The following VGLL4 variants were observed in gnomAD, a reference collection of about 807,000 sequenced individuals.
VGLL4 encodes the protein transcription cofactor vestigial-like protein 4.
In VGLL4, 7 loss-of-function variants were observed where a neutral mutation model predicts 21.0. The ratio of observed to expected loss-of-function variants is 0.33; its 90% CI spans 0.19 to 0.63. The LOEUF is 0.63. Ranked by LOEUF, VGLL4 falls within the 20% of genes least tolerant of loss-of-function variation. The pLI, the probability that VGLL4 is intolerant of heterozygous loss-of-function variation, is 0.78. For missense variants in VGLL4, 394 were observed against 425.7 expected, an observed-to-expected ratio of 0.93 and a Z score of 0.66; for synonymous variants, 222 against 173.2, an observed-to-expected ratio of 1.28 and a Z score of -2.21.
At chr3:11,638,713 G>A (rs928499305) in intron 1 of VGLL4, among the ~76,000 whole-genome samples, 10 of 152,138 alleles carry the variant, frequency 6.6e-5, no homozygotes, top group South Asian at 2.1e-4. Context: ...GAGAGGGTAC[G>A]AAATGGCCCT....
chr3:11,659,879 T>A (rs1014569075), intron 2 of VGLL4, among the ~76,000 whole-genome samples: 9 of 152,000 alleles, frequency 5.9e-5, no homozygotes, highest in African/African-American at 2.2e-4. Flanking sequence ...ATTTCCCATC[T>A]TGGCCGGGCG....
In VGLL4 at chr3:11,573,235, AAAAGAAATAGAGAAAG is replaced by A. The variant is rs1238561577; in HGVS notation, c.273-8232_273-8217del. On this transcript the variant is annotated intron_variant, in intron 2 of 4. Transcript: ENST00000430365. Reference sequence around the variant, plus strand: ...GAGAGAGAGAAAGACAGACAGAAAGAAAAGAAATAGAGAAAGAAAGAAAGAAAGAAAGAAAGAAAGA... The same window carrying A: ...GAGAGAGAGAAAGACAGACAGAAAGAAAAGAAAGAAAGAAAGAAAGAAAGA... 8.4e-4 allele frequency among the ~76,000 whole-genome samples: 100 copies of A among 119,240 alleles called. 7 individuals are homozygous for A. The highest frequency in any genetic ancestry group is 6.3e-3 in the Admixed American group (69 of 10,920). The allele number at this position is 119,240 out of a possible 152,430, so 78.2% of individuals were successfully genotyped here. A position where few individuals can be genotyped will look rare whatever the true frequency, so the allele number is the denominator to read the frequency against.
intron 3 of VGLL4, among the ~76,000 whole-genome samples, chr3:11,560,098 C>T (rs527526205): frequency 6.6e-6 from 1 of 152,218 alleles, no homozygotes; most frequent in East Asian, 1.9e-4. Context: ...TCCCCTTGTT[C>T]CTTCAAGCCC....
At position 11,677,293 on chromosome 3, in the gene VGLL4, A is replaced by T. The variant is rs144681952; in HGVS notation, c.64+25678T>A. On this transcript the variant is annotated intron_variant, in intron 2 of 5. Transcript: ENST00000273038. ...CAGACTGCAATTTTTTTTTTTTTTG[A>T]CAGGGTCTCACGCTGTCGTCCAGGC... is the stretch of plus-strand genomic sequence containing the variant. 2.5e-4 allele frequency among the ~76,000 whole-genome samples: 37 copies of T among 149,440 alleles called. No homozygotes were observed. In the East Asian group the frequency reaches 6.8e-3, roughly 27 times the overall value.
exon 1 of VGLL4, chr3:11,720,665 G>C (rs2076985724): frequency 6.6e-6 from 1 of 152,282 alleles, no homozygotes; most frequent in Non-Finnish European, 1.5e-5. Context: ...AGTGGAAAGA[G>C]TCCCCTTCAG....
At chr3:11,628,037 A>G (rs926830567) in intron 1 of VGLL4, among the ~76,000 whole-genome samples, 1 of 152,204 alleles carries the variant, frequency 6.6e-6, no homozygotes, top group African/African-American at 2.4e-5. Context: ...ATAAATGATA[A>G]GGTAATGAAT....
chr3:11,634,358 C>A (rs943843297), intron 1 of VGLL4, among the ~76,000 whole-genome samples: 6 of 152,152 alleles, frequency 3.9e-5, no homozygotes, highest in Admixed American at 3.3e-4. Context: ...CATCACCAAT[C>A]CCTGCCAGGC....
At chr3:11,566,223 C>A (rs543770838) in intron 2 of VGLL4, among the ~76,000 whole-genome samples, 5 of 151,968 alleles carry the variant, frequency 3.3e-5, no homozygotes, top group East Asian at 1.9e-4. Flanking sequence ...GTTACACACA[C>A]GCACACCACA....
intron 2 of VGLL4, among the ~76,000 whole-genome samples, chr3:11,698,594 A>G (rs2076636511): frequency 1.3e-5 from 2 of 152,200 alleles, no homozygotes; most frequent in African/African-American, 4.8e-5. Context: ...AAGCACAAGG[A>G]AGAACAGCAA....
At chr3:11,665,151 T>C (rs1188072348) in intron 2 of VGLL4, among the ~76,000 whole-genome samples, 2 of 125,322 alleles carry the variant, frequency 1.6e-5, no homozygotes, top group East Asian at 4.9e-4. Context: ...TCTCGCTCTG[T>C]CACCCAGGCT....
In VGLL4 at chr3:11,573,719, C is replaced by G. The variant is rs554759992; in HGVS notation, c.273-8700G>C. 1.0e-3 allele frequency among the ~76,000 whole-genome samples: 156 copies of G among 152,358 alleles called. 1 individual carries two copies. The highest frequency in any genetic ancestry group is 1.9e-3 in the Non-Finnish European group (130 of 68,032). On this transcript the variant is annotated intron_variant, in intron 2 of 4. Coordinates refer to ENST00000430365, the MANE Select transcript of VGLL4 (RefSeq NM_001128219.3). Reference sequence around the variant, plus strand: ...GCGCAGTTGAGCATCTTTTCATACACTTACTGACCATTCTACTTTATGCTG... The same window carrying G: ...GCGCAGTTGAGCATCTTTTCATACAGTTACTGACCATTCTACTTTATGCTG...
At chr3:11,563,992 G>A (rs114551896) in intron 3 of VGLL4, among the ~76,000 whole-genome samples, 2,072 of 152,282 alleles carry the variant, frequency 0.014, 53 homozygotes, top group African/African-American at 0.045. Context: ...GGCTCTTGCA[G>A]CTGAATGCAC....
At chr3:11,614,543 C>T (rs766830075) in intron 1 of VGLL4, among the ~76,000 whole-genome samples, 14 of 152,238 alleles carry the variant, frequency 9.2e-5, no homozygotes, top group African/African-American at 1.7e-4. Flanking sequence ...AAGCCCCCCA[C>T]GGAGCTGCAG....
chr3:11,637,310 C>T (rs950425540), intron 1 of VGLL4, among the ~76,000 whole-genome samples: 4 of 152,084 alleles, frequency 2.6e-5, no homozygotes, highest in Admixed American at 2.6e-4. Context: ...GTTGAGAGAT[C>T]GATCCCTAAT....
upstream of VGLL4, among the ~76,000 whole-genome samples, chr3:11,646,321 C>T (rs547934564): frequency 6.6e-6 from 1 of 152,238 alleles, no homozygotes; most frequent in Admixed American, 6.5e-5. Flanking sequence ...TTTTGGAGTA[C>T]TCTTACTGTG....
intron 1 of VGLL4, among the ~76,000 whole-genome samples, chr3:11,615,930 T>C (rs1315270747): frequency 6.6e-6 from 1 of 152,244 alleles, no homozygotes; most frequent in African/African-American, 2.4e-5. Flanking sequence ...TAAAAGCTAT[T>C]AGGCCAATCT....
intron 3 of VGLL4, among the ~76,000 whole-genome samples, chr3:11,559,907 T>C (rs1042678627): frequency 6.6e-6 from 1 of 152,148 alleles, no homozygotes; most frequent in Non-Finnish European, 1.5e-5. Context: ...TGGAAGCATT[T>C]TGCTTGAGCC....
intron 2 of VGLL4, among the ~76,000 whole-genome samples, chr3:11,591,811 G>GA (rs2074505427): frequency 6.6e-6 from 1 of 152,218 alleles, no homozygotes; most frequent in Non-Finnish European, 1.5e-5. Context: ...ACCTCACAGA[G>GA]AATCAGTTCC....
intron 2 of VGLL4, among the ~76,000 whole-genome samples, chr3:11,689,819 T>C (rs2076501585): frequency 6.6e-6 from 1 of 152,226 alleles, no homozygotes; most frequent in Non-Finnish European, 1.5e-5. Context: ...CTTTAAGGTA[T>C]ACAAGTAAAC....
Sources: gnomAD v4.1 joint callset for allele counts (sites outside exome capture counted in the v4.1 genomes callset) on GRCh38, gnomAD v4.1.1 for gene constraint, MANE v1.5 for transcripts, NCBI Gene and HGNC (gene_info 2026-07-23, HGNC 2026-07-21) for gene names.